Variants in CMAS observed in about 807,000 individuals in gnomAD.
The protein encoded by CMAS is N-acylneuraminate cytidylyltransferase.
Under a neutral mutation model 53.4 loss-of-function variants are expected in CMAS, and 21 were observed. The observed-to-expected ratio is 0.39, with a 90% CI of 0.28 to 0.57. The LOEUF (loss-of-function observed/expected upper bound fraction) is 0.57, where lower values mean the gene tolerates loss of function less well. Ranked by LOEUF, CMAS falls within the 20% of genes least tolerant of loss-of-function variation. The pLI, the probability that CMAS is intolerant of heterozygous loss-of-function variation, is 0.56. For synonymous variants in CMAS, 189 were observed against 195.2 expected (o/e 0.97, Z 0.27); for missense variants, 384 against 534.9 (o/e 0.72, Z 2.78).
intron 3 of CMAS, among the ~76,000 whole-genome samples, chr12:22,057,372 A>G (rs764068067): frequency 1.1e-4 from 16 of 152,146 alleles, no homozygotes; most frequent in Non-Finnish European, 1.6e-4. Flanking sequence ...TAATGTTGAC[A>G]TTACTGAGCC....
chr12:22,062,280 G>C lies in CMAS; in HGVS notation c.961-1G>C. 6.6e-7 allele frequency: 1 copy of C among 1,521,230 alleles called. No individual in the cohort carries two copies. 94.2% of individuals were successfully genotyped at this position (1,521,230 alleles called of 1,614,324 possible). On this transcript the variant is annotated splice_acceptor_variant, in intron 6 of 7. Coordinates refer to ENST00000229329, the MANE Select transcript of CMAS (RefSeq NM_018686.6). LOFTEE classifies it high-confidence loss of function. ...CAATCCTTTTTTTTTTTTTTTTTAA[G>C]GTGAGGCTAATCTCAGAAAGGGCCT...
intron 1 of CMAS, among the ~76,000 whole-genome samples, chr12:22,054,085 C>T (rs1950252675): frequency 6.6e-6 from 1 of 151,500 alleles, no homozygotes; most frequent in African/African-American, 2.4e-5. Context: ...CATCACCATG[C>T]CCAGCTAATT....
intron 3 of CMAS, among the ~76,000 whole-genome samples, chr12:22,058,155 A>G (rs541811250): frequency 6.6e-6 from 1 of 151,026 alleles, no homozygotes; most frequent in African/African-American, 2.4e-5. Flanking sequence ...GGCCGGGTGC[A>G]GTGCCTCATG....
In CMAS at chr12:22,065,326, T is replaced by C; in HGVS notation, c.*15T>C. 3 of 1,592,834 alleles carry C rather than the reference T, an allele frequency of 1.9e-6. No homozygotes were observed. Among genetic ancestry groups the C allele is most frequent in the East Asian group, 2.2e-5 (1 of 44,516 alleles). On this transcript the variant is annotated 3_prime_UTR_variant, in exon 8 of 8. Transcript: ENST00000229329. ...GCCAAAAATAGAAATTAGCGTAATATTGAGAAAAAAATGATACAGCCTTCT... is the reference window on the plus strand; with the variant it reads ...GCCAAAAATAGAAATTAGCGTAATACTGAGAAAAAAATGATACAGCCTTCT...
Position 22,049,760 on chromosome 12 carries a change from C to A in CMAS, c.260+3197C>A, listed in dbSNP as rs541412956. 1.7e-3 allele frequency among the ~76,000 whole-genome samples: 255 copies of A among 152,196 alleles called. 1 individual carries two copies. Among genetic ancestry groups the A allele is most frequent in the African/African-American group, 5.9e-3 (245 of 41,522 alleles). On this transcript the variant is annotated intron_variant, in intron 1 of 7. Coordinates refer to ENST00000229329, the MANE Select transcript of CMAS (RefSeq NM_018686.6). ...TCTCTACCAAAAATACAAAAATTAGCCAGTTGTGGTGGTGCATGCCTGTAA... is the reference window on the plus strand; with the variant it reads ...TCTCTACCAAAAATACAAAAATTAGACAGTTGTGGTGGTGCATGCCTGTAA...
At chr12:22,058,437 AG>A in intron 3 of CMAS, 129 bp from the exon 4 acceptor site, 32 of 800,418 alleles carry the variant, frequency 4.0e-5, no homozygotes, top group Non-Finnish European at 5.4e-5. Flanking sequence ...AAAAAAAAAA[AG>A]AAAAGTTCTT....
rs140406732 is a variant in CMAS, at chr12:22,062,440, T to TATCATC, written c.1114+9_1114+10insATCATC. On this transcript the variant is annotated splice_region_variant and intron_variant, in intron 7 of 7. Coordinates refer to ENST00000229329, the MANE Select transcript of CMAS (RefSeq NM_018686.6). ...GAAAGAAGTGGCATATCTTGGTTGGTATCTTTTTATTCACCCATAGTAAAA... is the reference window on the plus strand; with the variant it reads ...GAAAGAAGTGGCATATCTTGGTTGGTATCATCATCTTTTTATTCACCCATAGTAAAA... 1.9e-6 allele frequency: 3 copies of TATCATC among 1,611,094 alleles called. No homozygotes were observed. The African/African-American group carries it at 4.0e-5, about 22-fold the overall frequency.
At chr12:22,058,734 C>T (rs202103947) in intron 4 of CMAS, 34 bp downstream of exon 4, 675 of 1,601,198 alleles carry the variant, frequency 4.2e-4, no homozygotes, top group African/African-American at 2.6e-3. Context: ...CCCTTTTAAG[C>T]GCTTTTGTAG....
intron 1 of CMAS, 69 bp downstream of exon 1, chr12:22,046,632 G>GGGCT: frequency 7.0e-7 from 1 of 1,420,612 alleles, no homozygotes; most frequent in Non-Finnish European, 9.2e-7. Flanking sequence ...GCTGCTGGAG[G>GGGCT]GGCTGGGGCC....
At chr12:22,064,754 AT>A (rs1428915788) in intron 7 of CMAS, among the ~76,000 whole-genome samples, 10 of 152,206 alleles carry the variant, frequency 6.6e-5, no homozygotes, top group Admixed American at 1.3e-4. Flanking sequence ...AATTCTGATA[AT>A]TTTTCAATAT....
rs78443754 is a variant in CMAS at position 22,055,420 on chromosome 12, T to C, written c.404-35T>C. 3.3e-3 allele frequency: 5,118 copies of C among 1,539,518 alleles called. 114 individuals are homozygous for C. In the African/African-American group the frequency reaches 0.057, roughly 17 times the overall value. On this transcript the variant is annotated intron_variant, in intron 2 of 7. Transcript: ENST00000229329. ...TACTTGCTTGCAAGGAACTTTTTTT[T>C]TAAATATCCTTTTCATTTCTCTTGT...
chr12:22,055,697 AAAAGGGGAGCTG>A lies in CMAS; in HGVS notation c.559+88_559+99del, dbSNP rs546600015. ...AATATCCTTTAGGCATGAGGAGAGT[AAAAGGGGAGCTG>A]TAAAAGAGAGTATTTGACTCATTAC... On this transcript the variant is annotated intron_variant, in intron 3 of 7. Coordinates refer to ENST00000229329, the MANE Select transcript of CMAS (RefSeq NM_018686.6). 2.1e-5 allele frequency: 23 copies of A among 1,091,644 alleles called. No homozygotes were observed. The East Asian group carries it at 4.4e-4, about 21-fold the overall frequency. The allele number at this position is 1,091,644 out of a possible 1,614,324, so 67.6% of individuals were successfully genotyped here.
At chr12:22,049,823 T>G (rs979583575) in intron 1 of CMAS, among the ~76,000 whole-genome samples, 2 of 151,736 alleles carry the variant, frequency 1.3e-5, no homozygotes, top group African/African-American at 2.4e-5. Context: ...GGGAATCACC[T>G]GAACCCGGGA....
intron 5 of CMAS, 72 bp downstream of exon 5, chr12:22,060,998 A>G: frequency 1.0e-6 from 1 of 959,072 alleles, no homozygotes; most frequent in East Asian, 2.5e-5. Flanking sequence ...CTGATTTCTG[A>G]TACTTCAGAC....
Position 22,055,137 on chromosome 12 carries a change from A to T in CMAS, c.261-12A>T. 6.4e-7 allele frequency: 1 copy of T among 1,556,250 alleles called. No homozygotes were observed. The highest frequency in any genetic ancestry group is 8.7e-7 in the Non-Finnish European group (1 of 1,154,888). ...TTGATTTGGCTGTTAATTTCTTTTG[A>T]TATCTGAACAGTGTATGGGTTTCGA... On this transcript the variant is annotated splice_polypyrimidine_tract_variant and intron_variant, in intron 1 of 7. Transcript: ENST00000229329.
chr12:22,046,688 A>T, intron 1 of CMAS, 125 bp downstream of exon 1: 1 of 1,170,390 alleles, frequency 8.5e-7, no homozygotes, highest in Non-Finnish European at 1.1e-6. Context: ...CATGCCAGGG[A>T]TGTGCAAGAT....
intron 4 of CMAS, among the ~76,000 whole-genome samples, 159 bp downstream of exon 4, chr12:22,058,859 C>T (rs1950287635): frequency 6.6e-6 from 1 of 152,088 alleles, no homozygotes; most frequent in Non-Finnish European, 1.5e-5. Flanking sequence ...AGGCATTTAT[C>T]CTGCAGGTTT....
intron 6 of CMAS, 51 bp downstream of exon 6, chr12:22,061,503 C>G: frequency 5.6e-6 from 7 of 1,247,304 alleles, no homozygotes; most frequent in Non-Finnish European, 7.7e-6. Context: ...GATTCAGGGT[C>G]AAAGAACATG....
At chr12:22,049,414 A>T (rs781091737) in intron 1 of CMAS, among the ~76,000 whole-genome samples, 1 of 152,190 alleles carries the variant, frequency 6.6e-6, no homozygotes, top group African/African-American at 2.4e-5. Context: ...AAATATGTAT[A>T]TATATTGACC....
Sources: allele counts gnomAD v4.1 joint callset (sites outside exome capture counted in the v4.1 genomes callset), GRCh38; gene constraint gnomAD v4.1.1; transcripts MANE v1.5; gene names NCBI Gene and HGNC (gene_info 2026-07-23, HGNC 2026-07-21).